The following SUCLG2 variants were observed in gnomAD, a reference collection of about 807,000 sequenced individuals.
SUCLG2 encodes the protein succinate-CoA ligase GDP-forming subunit beta, also known as succinate--CoA ligase [GDP-forming] subunit beta, mitochondrial.
A neutral mutation model predicts 47.9 loss-of-function variants in SUCLG2; 42 were observed. The ratio of observed to expected loss-of-function variants is 0.88; its 90% CI spans 0.69 to 1.14. The LOEUF (loss-of-function observed/expected upper bound fraction) is 1.14, where lower values mean the gene tolerates loss of function less well. Among genes scored for constraint, SUCLG2 ranks in the 50% most tolerant of loss-of-function variants. SUCLG2 has a pLI of 0.00. For synonymous variants in SUCLG2, 195 were observed against 197.3 expected (o/e 0.99, Z 0.10); for missense variants, 571 against 525.9 (o/e 1.09, Z -0.84).
At chr3:67,477,358 G>A (rs894999356) in intron 9 of SUCLG2, among the ~76,000 whole-genome samples, 1 of 152,082 alleles carries the variant, frequency 6.6e-6, no homozygotes, top group Non-Finnish European at 1.5e-5. Context: ...CTGATTCTCA[G>A]TGTCCTCTTC....
At position 67,444,088 on chromosome 3, in the gene SUCLG2, C is replaced by T. The variant is rs1218276493; in HGVS notation, c.1063-43237G>A. 8.3e-5 allele frequency among the ~76,000 whole-genome samples: 9 copies of T among 108,104 alleles called. 1 individual carries two copies. The highest frequency in any genetic ancestry group is 2.9e-4 in the African/African-American group (9 of 31,526). The allele number at this position is 108,104 out of a possible 152,430, so 70.9% of individuals were successfully genotyped here. On this transcript the variant is annotated intron_variant, in intron 9 of 10. Transcript: ENST00000307227. ...GGGGTCAGCCCCCCGCCTGGCCAGCCGCGCCGTCCGGGAGGGAGGTGGGGG... is the reference window on the plus strand; with the variant it reads ...GGGGTCAGCCCCCCGCCTGGCCAGCTGCGCCGTCCGGGAGGGAGGTGGGGG...
rs559445728 is a variant in SUCLG2 at position 67,644,127 on chromosome 3, T to A, written c.84+10376A>T. ...AAAATGTAGCCCAAGCTACATATGATACAACATTTCTACTCAGGTGAATGT... is the reference window on the plus strand; with the variant it reads ...AAAATGTAGCCCAAGCTACATATGAAACAACATTTCTACTCAGGTGAATGT... On this transcript the variant is annotated intron_variant, in intron 1 of 10. Transcript: ENST00000307227. 2.2e-3 allele frequency among the ~76,000 whole-genome samples: 330 copies of A among 152,300 alleles called. 2 individuals carry two copies. The highest frequency in any genetic ancestry group is 3.4e-3 in the Non-Finnish European group (228 of 68,034).
At chr3:67,497,661 T>A (rs949658845) in intron 8 of SUCLG2, among the ~76,000 whole-genome samples, 1 of 152,186 alleles carries the variant, frequency 6.6e-6, no homozygotes, top group African/African-American at 2.4e-5. Context: ...GTTCTGCATA[T>A]TAATACTGAG....
At chr3:67,506,731 T>C (rs1211834863) in intron 7 of SUCLG2, among the ~76,000 whole-genome samples, 1 of 152,200 alleles carries the variant, frequency 6.6e-6, no homozygotes, top group Non-Finnish European at 1.5e-5. Flanking sequence ...TGTATACTAG[T>C]TGAAAAAGCA....
intron 10 of SUCLG2, among the ~76,000 whole-genome samples, chr3:67,393,915 C>T (rs1205051842): frequency 6.6e-6 from 1 of 152,190 alleles, no homozygotes; most frequent in Non-Finnish European, 1.5e-5. Flanking sequence ...CAAACAGGGT[C>T]TGGAGTGGAC....
At chr3:67,378,274 C>T (rs1344651482) in intron 10 of SUCLG2, among the ~76,000 whole-genome samples, 1 of 152,178 alleles carries the variant, frequency 6.6e-6, no homozygotes, top group Non-Finnish European at 1.5e-5. Context: ...AGCCTTACTT[C>T]TAATAGATAA....
chr3:67,588,590 T>A (rs544013721), intron 2 of SUCLG2, among the ~76,000 whole-genome samples: 78 of 152,310 alleles, frequency 5.1e-4, no homozygotes, highest in African/African-American at 1.8e-3. Flanking sequence ...ATGAAGACAT[T>A]TGGCACCTAA....
chr3:67,452,588 A>C (rs2106939133), intron 9 of SUCLG2, among the ~76,000 whole-genome samples: 1 of 152,280 alleles, frequency 6.6e-6, no homozygotes, highest in African/African-American at 2.4e-5. Context: ...GTTACCACAA[A>C]TTCCTTGTCA....
intron 7 of SUCLG2, among the ~76,000 whole-genome samples, chr3:67,505,414 A>G (rs1319070862): frequency 6.6e-6 from 1 of 152,208 alleles, no homozygotes; most frequent in Non-Finnish European, 1.5e-5. Flanking sequence ...ACTAAACTAC[A>G]TTGCAGTTAG....
At chr3:67,637,228 T>A (rs190426180) in intron 1 of SUCLG2, among the ~76,000 whole-genome samples, 2 of 152,240 alleles carry the variant, frequency 1.3e-5, no homozygotes, top group East Asian at 1.9e-4. Context: ...AAAAGGGATA[T>A]CAGACAGGCT....
At chr3:67,635,341 A>C (rs1166222948) in intron 1 of SUCLG2, among the ~76,000 whole-genome samples, 1 of 152,206 alleles carries the variant, frequency 6.6e-6, no homozygotes, top group African/African-American at 2.4e-5. Context: ...TGAACTAAGC[A>C]TATGAAACTG....
chr3:67,451,634 C>CTATTTTCATAG (rs2106937381), intron 9 of SUCLG2, among the ~76,000 whole-genome samples: 1 of 151,908 alleles, frequency 6.6e-6, no homozygotes, highest in East Asian at 1.9e-4. Flanking sequence ...TTCATAGATA[C>CTATTTTCATAG]AAATTTTCAT....
In SUCLG2 at chr3:67,400,773, G is replaced by A. The variant is rs7623258; in HGVS notation, c.1141C>T (p.Arg381Trp). The change falls in exon 10 of 11, where the codon CGG becomes TGG. Residue 381 changes from arginine (R) to tryptophan (W), a missense_variant. Physicochemically the swap from Arg to Trp is moderately radical, Grantham distance 101. Coordinates refer to ENST00000307227, the MANE Select transcript of SUCLG2 (RefSeq NM_003848.4). ...IIANGITKAC[R>W]ELELKVPLVV... ...AGGGGCACCTTGAGTTCTAGCTCCC[G>A]GCAGGCTTTGGTGATCCCATTGGCA... 0.01 allele frequency: 16,327 copies of A among 1,611,788 alleles called. 1,331 individuals carry two copies. The African/African-American group carries it at 0.19, about 18-fold the overall frequency.
chr3:67,493,126 C>T (rs1038443297), intron 9 of SUCLG2, among the ~76,000 whole-genome samples: 1 of 152,164 alleles, frequency 6.6e-6, no homozygotes, highest in Non-Finnish European at 1.5e-5. Flanking sequence ...TACTTTTGGG[C>T]AGGTGGACAC....
intron 2 of SUCLG2, among the ~76,000 whole-genome samples, chr3:67,567,150 C>T (rs1056947064): frequency 2.6e-5 from 4 of 151,446 alleles, no homozygotes; most frequent in African/African-American, 7.3e-5. Flanking sequence ...CGCCACTGCA[C>T]TCAACCTGGG....
intron 4 of SUCLG2, among the ~76,000 whole-genome samples, chr3:67,524,077 A>G (rs1706192097): frequency 6.6e-6 from 1 of 152,228 alleles, no homozygotes; most frequent in African/African-American, 2.4e-5. Context: ...ATTTTATACA[A>G]CAAAGACCAG....
chr3:67,642,259 G>C (rs935792594), intron 1 of SUCLG2, among the ~76,000 whole-genome samples: 1 of 152,160 alleles, frequency 6.6e-6, no homozygotes. Flanking sequence ...CAACAGCTGT[G>C]ACAACAAGGA....
chr3:67,614,218 G>A (rs1005338663), intron 1 of SUCLG2, among the ~76,000 whole-genome samples: 1 of 152,086 alleles, frequency 6.6e-6, no homozygotes, highest in Non-Finnish European at 1.5e-5. Flanking sequence ...CCAGTCATTT[G>A]CCAGCCTGCC....
At position 67,654,320 on chromosome 3, in the gene SUCLG2, CT is replaced by C. The variant is rs758652655; in HGVS notation, c.84+182del. Among the ~76,000 whole-genome samples the C allele has an allele frequency of 5.3e-5, 8 of 152,320 alleles. No individual in the cohort carries two copies. In the East Asian group the frequency reaches 9.7e-4, roughly 18 times the overall value. ...ACCCGGGGCTGCCGCCGCGCCGCCC[CT>C]GCCCCACACTGGAGCGGGGTTCCCT... On this transcript the variant is annotated intron_variant, in intron 1 of 10. Coordinates refer to ENST00000307227, the MANE Select transcript of SUCLG2 (RefSeq NM_003848.4).
Sources: allele counts gnomAD v4.1 joint callset (sites outside exome capture counted in the v4.1 genomes callset), GRCh38; gene constraint gnomAD v4.1.1; transcripts MANE v1.5; gene names NCBI Gene and HGNC (gene_info 2026-07-23, HGNC 2026-07-21).